Variants in HERPUD2 observed in about 807,000 individuals in gnomAD.
HERPUD2 encodes homocysteine-responsive endoplasmic reticulum-resident ubiquitin-like domain member 2 protein.
Under a neutral mutation model 49.9 loss-of-function variants are expected in HERPUD2, and 13 were observed. The ratio of observed to expected loss-of-function variants is 0.26; its 90% confidence interval spans 0.17 to 0.41. The LOEUF (loss-of-function observed/expected upper bound fraction) is 0.41. Among genes scored for constraint, HERPUD2 ranks in the 10% least tolerant of loss-of-function variants. The probability of loss-of-function intolerance (pLI) is 1.00; values close to 1 mark genes in which losing one functional copy is unlikely to be tolerated. For synonymous variants in HERPUD2, 172 were observed against 171.4 expected (o/e 1.00, Z -0.03); for missense variants, 449 against 492.2 (o/e 0.91, Z 0.83).
chr7:35,667,165 T>C (rs1001200139), intron 5 of HERPUD2, among the ~76,000 whole-genome samples: 4 of 152,130 alleles, frequency 2.6e-5, no homozygotes, highest in Admixed American at 1.3e-4. Flanking sequence ...ATCATACCTA[T>C]TGAATACAAA....
intron 5 of HERPUD2, among the ~76,000 whole-genome samples, chr7:35,641,599 G>A (rs1039157686): frequency 1.1e-4 from 16 of 152,140 alleles, no homozygotes; most frequent in African/African-American, 3.9e-4. Flanking sequence ...AACCAAACCA[G>A]CACAGTACTG....
intron 2 of HERPUD2, among the ~76,000 whole-genome samples, chr7:35,678,067 C>T (rs929680971): frequency 1.4e-4 from 22 of 152,082 alleles, no homozygotes; most frequent in African/African-American, 5.1e-4. Context: ...TTTCTAGTAC[C>T]TGCTCCTCCC....
At chr7:35,671,872 C>G (rs1785651098) in intron 3 of HERPUD2, among the ~76,000 whole-genome samples, 1 of 151,648 alleles carries the variant, frequency 6.6e-6, no homozygotes, top group Non-Finnish European at 1.5e-5. Flanking sequence ...ATTAATATAT[C>G]TATATTTCAA....
intron 5 of HERPUD2, among the ~76,000 whole-genome samples, chr7:35,652,684 A>AGAGAGGGAGGGAGGGGAAGGGAAGG (rs2115886088): frequency 6.9e-6 from 1 of 143,938 alleles, no homozygotes; most frequent in South Asian, 2.5e-4. Context: ...AAGGGAGGGA[A>AGAGAGGGAGGGAGGGGAAGGGAAGG]GAGAGGGAGG....
intron 2 of HERPUD2, among the ~76,000 whole-genome samples, chr7:35,674,396 TATATATATAGAGAG>T (rs1212473119): frequency 1.7e-5 from 1 of 59,700 alleles, no homozygotes; most frequent in East Asian, 4.4e-4. Flanking sequence ...TATATATATA[TATATATATAGAGAG>T]AGAGAGAGAG....
At chr7:35,661,379 T>C (rs1412746548) in intron 5 of HERPUD2, among the ~76,000 whole-genome samples, 1 of 152,182 alleles carries the variant, frequency 6.6e-6, no homozygotes, top group Non-Finnish European at 1.5e-5. Context: ...TTTGGTTCCA[T>C]ATGAACTTTA....
chr7:35,690,766 G>A (rs1386133283), intron 2 of HERPUD2, among the ~76,000 whole-genome samples: 1 of 151,736 alleles, frequency 6.6e-6, no homozygotes, highest in Non-Finnish European at 1.5e-5. Flanking sequence ...CCGAGATAGC[G>A]CCATTGCACT....
At chr7:35,648,575 G>A (rs1403930918) in intron 5 of HERPUD2, among the ~76,000 whole-genome samples, 1 of 152,154 alleles carries the variant, frequency 6.6e-6, no homozygotes, top group Non-Finnish European at 1.5e-5. Flanking sequence ...CCCTCTCAAT[G>A]CTGCTGACCT....
chr7:35,670,269 TG>T lies in HERPUD2; in HGVS notation c.284del (p.Pro95GlnfsTer38). ...GACTTTCTCTATTGGTGCTGGATTT[TG>T]GAGAACTGGGAGGAGTCCGAGAAGT... Reference protein sequence around the residue: ...VCTSRTPPSSPKSSTNRESHE... With the variant: ...VCTSRTPPSSXKSSTNRESHE... On this transcript the variant is annotated frameshift_variant, in exon 4 of 9. Coordinates refer to ENST00000311350, the MANE Select transcript of HERPUD2 (RefSeq NM_022373.5). LOFTEE classifies it high-confidence loss of function. 1 of 1,591,884 alleles carries T rather than the reference TG, an allele frequency of 6.3e-7. No individual in the cohort carries two copies. The highest frequency in any genetic ancestry group is 8.6e-7 in the Non-Finnish European group (1 of 1,167,374).
intron 2 of HERPUD2, among the ~76,000 whole-genome samples, chr7:35,682,141 T>C (rs1485672374): frequency 8.6e-5 from 13 of 151,896 alleles, no homozygotes; most frequent in Middle Eastern, 6.8e-3. Context: ...GAGGCTCAAG[T>C]GATCCTCCCA....
intron 2 of HERPUD2, among the ~76,000 whole-genome samples, chr7:35,685,317 T>A (rs1786012977): frequency 8.6e-6 from 1 of 116,952 alleles, no homozygotes; most frequent in Non-Finnish European, 1.6e-5. Context: ...ACACTTGGAA[T>A]TTTTTTTGTT....
chr7:35,634,764 T>G (rs1196177776), intron 7 of HERPUD2, among the ~76,000 whole-genome samples: 1 of 152,136 alleles, frequency 6.6e-6, no homozygotes, highest in African/African-American at 2.4e-5. Context: ...AGGGGAAAAA[T>G]AGTCTACTTA....
chr7:35,662,941 A>G (rs529385697), intron 5 of HERPUD2, among the ~76,000 whole-genome samples: 45 of 152,156 alleles, frequency 3.0e-4, no homozygotes, highest in African/African-American at 1.1e-3. Flanking sequence ...TTCCTTCTCT[A>G]GTTCTTTTAA....
intron 5 of HERPUD2, among the ~76,000 whole-genome samples, chr7:35,638,768 C>A (rs997547223): frequency 6.6e-6 from 1 of 152,140 alleles, no homozygotes; most frequent in African/African-American, 2.4e-5. Flanking sequence ...CATTTCATTA[C>A]ATGAAGCCAA....
At chr7:35,676,043 C>T (rs1785752396) in intron 2 of HERPUD2, among the ~76,000 whole-genome samples, 2 of 152,132 alleles carry the variant, frequency 1.3e-5, no homozygotes, top group African/African-American at 4.8e-5. Flanking sequence ...ACAAATAATT[C>T]CTTAATATGT....
rs776380811 is a variant in HERPUD2 at position 35,670,208 on chromosome 7, A to G, written c.339+7T>C. On this transcript the variant is annotated splice_region_variant and intron_variant, in intron 4 of 8. Transcript: ENST00000311350. ...GTTCAATGTTTACTCCTCCCAAAAC[A>G]ACTCACAGAATTGCTGCTGGATGCC... The G allele has an allele frequency of 2.3e-5, 33 of 1,448,902 alleles. No homozygotes were observed. Among genetic ancestry groups the G allele is most frequent in the Non-Finnish European group, 3.0e-5 (32 of 1,056,114 alleles). The allele number at this position is 1,448,902 out of a possible 1,614,324, so 89.8% of individuals were successfully genotyped here.
At chr7:35,666,411 A>C (rs1785537260) in intron 5 of HERPUD2, among the ~76,000 whole-genome samples, 1 of 152,226 alleles carries the variant, frequency 6.6e-6, no homozygotes, top group South Asian at 2.1e-4. Flanking sequence ...AAAGTACCTG[A>C]GTGTTTATGC....
intron 2 of HERPUD2, among the ~76,000 whole-genome samples, chr7:35,685,033 G>C (rs751194854): frequency 1.3e-5 from 2 of 152,102 alleles, no homozygotes; most frequent in Non-Finnish European, 2.9e-5. Context: ...TAGAGCCCAG[G>C]AGTTCCAGAC....
intron 5 of HERPUD2, among the ~76,000 whole-genome samples, chr7:35,643,409 G>A (rs1293853092): frequency 6.6e-6 from 1 of 152,140 alleles, no homozygotes; most frequent in Non-Finnish European, 1.5e-5. Flanking sequence ...TTGTCAATAT[G>A]AGGTTGGATG....
Sources: gnomAD v4.1 joint callset for allele counts (sites outside exome capture counted in the v4.1 genomes callset) on GRCh38, gnomAD v4.1.1 for gene constraint, MANE v1.5 for transcripts, NCBI Gene and HGNC (gene_info 2026-07-23, HGNC 2026-07-21) for gene names.